Variants in ATG7 observed in about 807,000 individuals in gnomAD.
ATG7 encodes the protein ubiquitin-like modifier-activating enzyme ATG7.
A neutral mutation model predicts 82.4 loss-of-function variants in ATG7; 70 were observed. That is an observed-to-expected ratio of 0.85 (90% CI 0.70 to 1.04). The LOEUF (loss-of-function observed/expected upper bound fraction) is 1.04, where lower values mean the gene tolerates loss of function less well. Among genes scored for constraint, ATG7 ranks in the 50% least tolerant of loss-of-function variants. The pLI, the probability that ATG7 is intolerant of heterozygous loss-of-function variation, is 0.00. For missense variants in ATG7, 792 were observed against 864.3 expected, an observed-to-expected ratio of 0.92 and a Z score of 1.05; for synonymous variants, 287 against 313.0, an observed-to-expected ratio of 0.92 and a Z score of 0.88.
intron 3 of ATG7, among the ~76,000 whole-genome samples, chr3:11,297,604 C>T (rs770260358): frequency 2.0e-5 from 3 of 151,734 alleles, no homozygotes; most frequent in African/African-American, 7.3e-5. Flanking sequence ...TTAGATGATT[C>T]GAAGGGGGAA....
chr3:11,502,441 T>G (rs1052391972), intron 20 of ATG7, among the ~76,000 whole-genome samples: 23 of 141,616 alleles, frequency 1.6e-4, no homozygotes, highest in African/African-American at 5.5e-4. Flanking sequence ...GATCTCATTG[T>G]TCAATTCCCA....
In ATG7 at chr3:11,497,357, C is replaced by CTATATATATATGTA. The variant is rs1281826628; in HGVS notation, c.2080-57443_2080-57442insGTATATATATATAT. On this transcript the variant is annotated intron_variant, in intron 20 of 20. Coordinates refer to ENST00000693202, the MANE Select transcript of ATG7 (RefSeq NM_001349232.2). ...TGAAACCCCGTCTGTACTAAAAATA[C>CTATATATATATGTA]TATATATATATATATATATATATAT... Among the ~76,000 whole-genome samples the CTATATATATATGTA allele has an allele frequency of 1.9e-3, 110 of 57,320 alleles. 2 individuals carry two copies. Among genetic ancestry groups the CTATATATATATGTA allele is most frequent in the African/African-American group, 6.8e-3 (102 of 14,992 alleles). The allele number at this position is 57,320 out of a possible 152,430, so 37.6% of individuals were successfully genotyped here.
At chr3:11,367,332 T>C (rs941774911) in intron 18 of ATG7, among the ~76,000 whole-genome samples, 1 of 152,164 alleles carries the variant, frequency 6.6e-6, no homozygotes, top group Non-Finnish European at 1.5e-5. Flanking sequence ...GTAAACTCCT[T>C]TGTGTACTTT....
intron 20 of ATG7, among the ~76,000 whole-genome samples, chr3:11,475,944 A>G (rs914907904): frequency 3.4e-5 from 5 of 148,674 alleles, no homozygotes; most frequent in African/African-American, 7.4e-5. Flanking sequence ...GAGTTTCCTA[A>G]CAGTGCAGTT....
At chr3:11,504,689 G>T (rs1199968505) in intron 20 of ATG7, among the ~76,000 whole-genome samples, 2 of 152,146 alleles carry the variant, frequency 1.3e-5, no homozygotes, top group East Asian at 3.8e-4. Flanking sequence ...TTAAATTATT[G>T]ATAAGTACAT....
At chr3:11,464,722 A>G (rs1485359919) in intron 20 of ATG7, among the ~76,000 whole-genome samples, 1 of 152,214 alleles carries the variant, frequency 6.6e-6, no homozygotes, top group Non-Finnish European at 1.5e-5. Flanking sequence ...GGCTTTTTGC[A>G]GAGGGGACAG....
chr3:11,397,806 G>A (rs1389388154), intron 19 of ATG7, among the ~76,000 whole-genome samples: 2 of 150,688 alleles, frequency 1.3e-5, no homozygotes, highest in African/African-American at 2.4e-5. Context: ...GAATCGGCTG[G>A]GCGCGGTGGC....
chr3:11,327,395 AAG>A (rs1306495200), intron 9 of ATG7, among the ~76,000 whole-genome samples: 1 of 152,260 alleles, frequency 6.6e-6, no homozygotes, highest in Non-Finnish European at 1.5e-5. Context: ...AGCTAGTGCT[AAG>A]ATGATAGTGT....
chr3:11,477,050 C>G, intron 20 of ATG7: 1 of 1,248,516 alleles, frequency 8.0e-7, no homozygotes, highest in Non-Finnish European at 1.1e-6. Flanking sequence ...ACAATGGGCA[C>G]TTGATTATAA....
At chr3:11,466,786 G>T (rs2086867818) in intron 20 of ATG7, among the ~76,000 whole-genome samples, 1 of 152,166 alleles carries the variant, frequency 6.6e-6, no homozygotes, top group African/African-American at 2.4e-5. Flanking sequence ...ACACTCATTT[G>T]TGTTCACAGA....
At chr3:11,378,706 A>AAAAAAAAAAAAAAAAAAAC (rs1559501467) in intron 18 of ATG7, among the ~76,000 whole-genome samples, 1 of 149,988 alleles carries the variant, frequency 6.7e-6, no homozygotes, top group African/African-American at 2.5e-5. Context: ...AAAAAAAAAA[A>AAAAAAAAAAAAAAAAAAAC]AAATTGCTGT....
At chr3:11,445,214 A>G (rs2152975583) in intron 20 of ATG7, among the ~76,000 whole-genome samples, 1 of 152,366 alleles carries the variant, frequency 6.6e-6, no homozygotes, top group South Asian at 2.1e-4. Flanking sequence ...ATATACCCAA[A>G]GGAATATAAA....
At chr3:11,392,511 A>G (rs1448049076) in intron 19 of ATG7, among the ~76,000 whole-genome samples, 4 of 151,954 alleles carry the variant, frequency 2.6e-5, no homozygotes, top group Non-Finnish European at 4.4e-5. Flanking sequence ...AAGCTTAGGT[A>G]TCATTGCATT....
At position 11,339,314 on chromosome 3, in the gene ATG7, GA is replaced by G. The variant is rs1451549264; in HGVS notation, c.890-1327del. Among the ~76,000 whole-genome samples the G allele has an allele frequency of 4.3e-4, 13 of 30,420 alleles. 1 individual carries two copies. The East Asian group carries it at 0.024, about 57-fold the overall frequency. 20.0% of individuals were successfully genotyped at this position (30,420 alleles called of 152,430 possible). Reference sequence around the variant, plus strand: ...CTGTTTCAAAAAAAAAAAAAAAAAAGAAAAGAAAAGAAAACCAGCGTATAAT... The same window carrying G: ...CTGTTTCAAAAAAAAAAAAAAAAAAGAAAGAAAAGAAAACCAGCGTATAAT... On this transcript the variant is annotated intron_variant, in intron 11 of 20. Transcript: ENST00000693202.
intron 20 of ATG7, among the ~76,000 whole-genome samples, chr3:11,441,668 T>A (rs12163567): frequency 0.036 from 2,852 of 79,644 alleles, 42 homozygotes; most frequent in African/African-American, 0.059. Flanking sequence ...TTTTTTTTTT[T>A]AATTTTTTTT....
chr3:11,375,028 C>A (rs1393138084), intron 18 of ATG7, among the ~76,000 whole-genome samples: 1 of 109,510 alleles, frequency 9.1e-6, no homozygotes, highest in African/African-American at 3.7e-5. Context: ...ACAGCGAGAC[C>A]TCATCTCTCT....
intron 20 of ATG7, among the ~76,000 whole-genome samples, chr3:11,492,669 C>T (rs2090475038): frequency 1.3e-5 from 2 of 152,228 alleles, no homozygotes; most frequent in South Asian, 2.1e-4. Context: ...CCACTCACTC[C>T]ACCCTCACTG....
the ATG7 span, chr3:11,568,619 T>A: frequency 6.4e-7 from 1 of 1,569,688 alleles, no homozygotes; most frequent in Non-Finnish European, 8.7e-7. The surrounding 1 kb of genome is among the most constrained non-coding windows in gnomAD (Gnocchi z 5.9). Flanking sequence ...CCAGCTCATT[T>A]TCCTGGTTCC....
intron 20 of ATG7, among the ~76,000 whole-genome samples, chr3:11,452,013 CTTGGGGGG>C (rs60966861): frequency 0.32 from 48,573 of 150,830 alleles, 8,830 homozygotes; most frequent in African/African-American, 0.47. Flanking sequence ...TCACCAGGGA[CTTGGGGGG>C]TTGGGGGGTT....
Sources: allele counts gnomAD v4.1 joint callset (sites outside exome capture counted in the v4.1 genomes callset), GRCh38; gene constraint gnomAD v4.1.1; non-coding constraint Gnocchi (gnomAD v3.1); transcripts MANE v1.5; gene names NCBI Gene and HGNC (gene_info 2026-07-23, HGNC 2026-07-21).